BAIAP2: variants seen among roughly 807,000 people sequenced by gnomAD.
The protein encoded by BAIAP2 is BAR/IMD domain-containing adapter protein 2.
BAIAP2 carries 18 observed loss-of-function variants against 63.0 expected under a neutral mutation model. That is an observed-to-expected ratio of 0.29 (90% confidence interval 0.20 to 0.42). The LOEUF is 0.42. BAIAP2 is among the 10% of genes least tolerant of loss of function. The pLI is 1.00. For synonymous variants in BAIAP2, 386 were observed against 307.6 expected, an observed-to-expected ratio of 1.25 and a Z score of -2.67; for missense variants, 610 against 734.3, an observed-to-expected ratio of 0.83 and a Z score of 1.96.
At chr17:81,074,806 G>A (rs375626663) in intron 3 of BAIAP2, among the ~76,000 whole-genome samples, 5 of 152,362 alleles carry the variant, frequency 3.3e-5, no homozygotes, top group East Asian at 1.9e-4. Flanking sequence ...GTACGGATGC[G>A]TGTGAGTGCA....
At position 81,115,939 on chromosome 17, in the gene BAIAP2, G is replaced by A. The variant is rs555076133; in HGVS notation, c.*100G>A. 9.7e-6 allele frequency: 15 copies of A among 1,551,010 alleles called. No individual in the cohort carries two copies. The African/African-American group carries it at 2.0e-4, about 21-fold the overall frequency. On this transcript the variant is annotated 3_prime_UTR_variant, in exon 14 of 14. Transcript: ENST00000428708. ...TGCGTTCCTGTGTAGAGAACATCCA[G>A]GCCCCGGCTGCCTGGTCTTGCCCCA...
At position 81,107,078 on chromosome 17, in the gene BAIAP2, C is replaced by T. The variant is rs543205748; in HGVS notation, c.1500+171C>T. ...TGGGAATGTGTACACACCCCTGCTT[C>T]GGCCTCAGGCTGCCCGCCTCGCCGC... On this transcript the variant is annotated intron_variant, in intron 12 of 13. Coordinates refer to ENST00000428708, the MANE Select transcript of BAIAP2 (RefSeq NM_001144888.2). The T allele has an allele frequency of 2.1e-5, 17 of 794,922 alleles. No individual in the cohort carries two copies. In the East Asian group the frequency reaches 3.5e-4, roughly 16 times the overall value. The allele number at this position is 794,922 out of a possible 1,614,324, so 49.2% of individuals were successfully genotyped here. A position where few individuals can be genotyped will look rare whatever the true frequency, so the allele number is the denominator to read the frequency against.
chr17:81,099,966 G>A lies in BAIAP2; in HGVS notation c.528G>A (p.Glu176=), dbSNP rs780929822. Reference sequence around the variant, plus strand: ...TCAGCAACAAGCAGGGCGAGCTGGAGAATTACGTGTCCGACGGCTACAAGA... The same window carrying A: ...TCAGCAACAAGCAGGGCGAGCTGGAAAATTACGTGTCCGACGGCTACAAGA... The part of the protein sequence containing the change: ...DAISNKQGEL[E]NYVSDGYKTA... Residue 176 remains glutamate (E), a synonymous_variant, in exon 7 of 14, where the codon GAG becomes GAA. Coordinates refer to ENST00000428708, the MANE Select transcript of BAIAP2 (RefSeq NM_001144888.2). 3.1e-6 allele frequency: 5 copies of A among 1,613,436 alleles called. No homozygotes were observed. The South Asian group carries it at 5.5e-5, about 18-fold the overall frequency.
chr17:81,081,120 C>T (rs2054532306), intron 3 of BAIAP2, among the ~76,000 whole-genome samples: 1 of 152,230 alleles, frequency 6.6e-6, no homozygotes, highest in East Asian at 1.9e-4. Flanking sequence ...TCCCAGTGTC[C>T]AAGGGGCCCG....
chr17:81,090,491 C>G (rs1464487797), intron 6 of BAIAP2, among the ~76,000 whole-genome samples: 1 of 152,262 alleles, frequency 6.6e-6, no homozygotes, highest in African/African-American at 2.4e-5. Context: ...GGCTAGGTCT[C>G]ATTTCTCCTG....
At chr17:81,093,172 G>A (rs541740325) in intron 6 of BAIAP2, among the ~76,000 whole-genome samples, 35 of 152,054 alleles carry the variant, frequency 2.3e-4, no homozygotes, top group African/African-American at 7.5e-4. Context: ...GCCCCGGCCC[G>A]CTGGATGCAA....
intron 6 of BAIAP2, among the ~76,000 whole-genome samples, chr17:81,092,877 G>A (rs551831647): frequency 7.7e-4 from 117 of 152,272 alleles, no homozygotes; most frequent in African/African-American, 2.7e-3. Flanking sequence ...CAGTGTGTCC[G>A]CGGGGCGTGG....
In BAIAP2 at chr17:81,057,799, G is replaced by A. The variant is rs74002026; in HGVS notation, c.131-82G>A. ...GCAGGAGACAGGGTTGGGCCTGTGC[G>A]TGCCAAGACTGCCGTGTTTTTGCTG... On this transcript the variant is annotated intron_variant, in intron 2 of 13. Coordinates refer to ENST00000428708, the MANE Select transcript of BAIAP2 (RefSeq NM_001144888.2). 1,209 of 1,526,314 alleles carry A rather than the reference G, an allele frequency of 7.9e-4. 7 individuals carry two copies. The African/African-American group carries it at 0.015, about 19-fold the overall frequency. 94.5% of individuals were successfully genotyped at this position (1,526,314 alleles called of 1,614,324 possible).
At chr17:81,049,536 T>C (rs571566474) in intron 1 of BAIAP2, among the ~76,000 whole-genome samples, 12 of 152,286 alleles carry the variant, frequency 7.9e-5, no homozygotes, top group South Asian at 4.1e-4. Flanking sequence ...ACTTTCCCGA[T>C]CTCCTCCCCA....
intron 3 of BAIAP2, among the ~76,000 whole-genome samples, chr17:81,076,858 C>G (rs1432865272): frequency 6.6e-6 from 1 of 152,152 alleles, no homozygotes; most frequent in East Asian, 1.9e-4. Context: ...GTAGTCCCAG[C>G]TCCTCGAGAG....
At chr17:81,045,260 G>A (rs990611712) in intron 1 of BAIAP2, among the ~76,000 whole-genome samples, 2 of 152,208 alleles carry the variant, frequency 1.3e-5, no homozygotes, top group Non-Finnish European at 2.9e-5. Flanking sequence ...AAGGCCCATG[G>A]AAAGGGAGAT....
intron 3 of BAIAP2, among the ~76,000 whole-genome samples, chr17:81,072,358 G>A (rs958767315): frequency 6.6e-5 from 10 of 152,214 alleles, no homozygotes; most frequent in Non-Finnish European, 1.3e-4. Context: ...GGAACAGGAG[G>A]GGCTCTCCTC....
intron 2 of BAIAP2, among the ~76,000 whole-genome samples, chr17:81,056,769 C>T (rs920855792): frequency 3.3e-5 from 5 of 152,234 alleles, no homozygotes; most frequent in South Asian, 4.1e-4. Flanking sequence ...CCACCTTAGC[C>T]GCAGCCAGCC....
chr17:81,102,815 G>A (rs375500921), intron 7 of BAIAP2, among the ~76,000 whole-genome samples: 5 of 152,346 alleles, frequency 3.3e-5, no homozygotes, highest in East Asian at 3.9e-4. Context: ...GGGTCTGGGG[G>A]TCCCGGGAAT....
rs2058103285 is a variant in BAIAP2 at position 81,098,988 on chromosome 17, CCCCCCATCCCCCCAT to C, written c.490-936_490-922del. 3.5e-5 allele frequency among the ~76,000 whole-genome samples: 4 copies of C among 113,754 alleles called. No individual in the cohort carries two copies. The South Asian group carries it at 1.2e-3, about 35-fold the overall frequency. The allele number at this position is 113,754 out of a possible 152,430, so 74.6% of individuals were successfully genotyped here. On this transcript the variant is annotated intron_variant, in intron 6 of 13. Coordinates refer to ENST00000428708, the MANE Select transcript of BAIAP2 (RefSeq NM_001144888.2). ...TCCCCCCATCCCCCCATCCCCCCAT[CCCCCCATCCCCCCAT>C]CCCACGGGGACACCCGGGTGGGCAC...
chr17:81,053,558 G>C lies in BAIAP2; in HGVS notation c.55-110G>C, dbSNP rs572613592. 2.6e-6 allele frequency: 3 copies of C among 1,140,690 alleles called. No homozygotes were observed. In the African/African-American group the frequency reaches 4.6e-5, roughly 17 times the overall value. The allele number at this position is 1,140,690 out of a possible 1,614,324, so 70.7% of individuals were successfully genotyped here. A position where few individuals can be genotyped will look rare whatever the true frequency, so the allele number is the denominator to read the frequency against. On this transcript the variant is annotated intron_variant, in intron 1 of 13. Transcript: ENST00000428708. Reference sequence around the variant, plus strand: ...GCCCACCTTGAGCATTTGTGGTGTCGACCCCCAGGAGGGGTGCCTGCTCTG... The same window carrying C: ...GCCCACCTTGAGCATTTGTGGTGTCCACCCCCAGGAGGGGTGCCTGCTCTG...
rs752044874 is a variant in BAIAP2, at chr17:81,103,741, G to A, written c.864+18G>A. On this transcript the variant is annotated intron_variant, in intron 8 of 13. Transcript: ENST00000428708. ...TCGTGGGGGTGAGTCTGTGGCCTCT[G>A]GAAAGCTTCACGGGTGTGGGTGGGA... is the stretch of plus-strand genomic sequence containing the variant. 1 of 1,590,358 alleles carries A rather than the reference G, an allele frequency of 6.3e-7. No homozygotes were observed. The highest frequency in any genetic ancestry group is 2.2e-5 in the East Asian group (1 of 44,592).
At chr17:81,059,347 A>C (rs964198483) in intron 3 of BAIAP2, among the ~76,000 whole-genome samples, 9 of 151,910 alleles carry the variant, frequency 5.9e-5, no homozygotes, top group Non-Finnish European at 1.5e-5. Context: ...GGAGGCTGAG[A>C]CTCCAGTGCA....
chr17:81,106,723 C>T, intron 11 of BAIAP2, 22 bp from the exon 12 acceptor site: 15 of 1,612,284 alleles, frequency 9.3e-6, no homozygotes, highest in Non-Finnish European at 1.3e-5. Flanking sequence ...GCTGGGCCGC[C>T]TCTGAGTCCC....
Sources: allele counts gnomAD v4.1 joint callset (sites outside exome capture counted in the v4.1 genomes callset), GRCh38; gene constraint gnomAD v4.1.1; transcripts MANE v1.5; gene names NCBI Gene and HGNC (gene_info 2026-07-23, HGNC 2026-07-21).